XRRA1: variants seen among roughly 807,000 people sequenced by gnomAD.
XRRA1 encodes the protein X-ray radiation resistance associated 1.
A neutral mutation model predicts 80.2 loss-of-function variants in XRRA1; 69 were observed. That is an observed-to-expected ratio of 0.86 (90% CI 0.71 to 1.05). XRRA1 has a LOEUF of 1.05. Ranked by LOEUF, XRRA1 falls within the 50% of genes least tolerant of loss-of-function variation. The pLI is 0.00. For synonymous variants in XRRA1, 348 were observed against 389.9 expected, an observed-to-expected ratio of 0.89 and a Z score of 1.27; for missense variants, 967 against 976.4, an observed-to-expected ratio of 0.99 and a Z score of 0.13.
chr11:74,875,391 G>A (rs774363231), intron 10 of XRRA1, among the ~76,000 whole-genome samples: 46 of 152,128 alleles, frequency 3.0e-4, no homozygotes, highest in Non-Finnish European at 5.4e-4. Flanking sequence ...ATACTTTTCA[G>A]CTCTCAGGAT....
intron 10 of XRRA1, among the ~76,000 whole-genome samples, chr11:74,888,678 T>C (rs914117558): frequency 6.6e-6 from 1 of 152,166 alleles, no homozygotes; most frequent in Non-Finnish European, 1.5e-5. Flanking sequence ...GAAAAAGAAT[T>C]AGACGAATGA....
chr11:74,922,256 C>CAAAAAA (rs398016677), intron 7 of XRRA1, among the ~76,000 whole-genome samples: 1 of 69,676 alleles, frequency 1.4e-5, no homozygotes, highest in Non-Finnish European at 2.5e-5. Flanking sequence ...GACTCTGCCT[C>CAAAAAA]AAAAAAAAAA....
chr11:74,863,683 C>T (rs148125176), intron 10 of XRRA1: 1 of 152,240 alleles, frequency 6.6e-6, no homozygotes, highest in Admixed American at 6.5e-5. Flanking sequence ...AGACATTGCT[C>T]ACCTTTACCC....
Position 74,845,271 on chromosome 11 carries a change from C to T in XRRA1, c.1729G>A (p.Val577Met), listed in dbSNP as rs1487895206. The T allele has an allele frequency of 1.8e-5, 29 of 1,610,302 alleles. No homozygotes were observed. Among genetic ancestry groups the T allele is most frequent in the Non-Finnish European group, 2.2e-5 (26 of 1,177,874 alleles). ...ATGACGGAGGAAGGCAGTTCACTCA[C>T]CTGTGCCCAGGAAGAAAACGCATTC... The part of the protein sequence containing the change: ...KSTESIFLTQ[V>M]SELPSSVIHK... The change falls in exon 16 of 19, where the codon GTG becomes ATG. Residue 577 changes from valine to methionine, a missense_variant and splice_region_variant. By Grantham distance (21) the Val-to-Met change is conservative (BLOSUM62 1). Coordinates refer to ENST00000684022, the MANE Select transcript of XRRA1 (RefSeq NM_001378157.1).
chr11:74,933,655 C>T (rs1411134471), intron 5 of XRRA1, 146 bp downstream of exon 5: 2 of 647,418 alleles, frequency 3.1e-6, no homozygotes, highest in Admixed American at 2.8e-5. Flanking sequence ...CCAATAAATC[C>T]TTGTCTGACT....
At chr11:74,940,658 G>A (rs1302309573) in intron 3 of XRRA1, 127 bp downstream of exon 3, 1 of 748,134 alleles carries the variant, frequency 1.3e-6, no homozygotes, top group East Asian at 2.7e-5. Flanking sequence ...ACTAGGACTG[G>A]AGGGGGAAGG....
intron 4 of XRRA1, 49 bp downstream of exon 4, chr11:74,936,835 C>G (rs774123470): frequency 6.4e-7 from 1 of 1,562,096 alleles, no homozygotes; most frequent in Non-Finnish European, 8.7e-7. Context: ...CCCACTTCCT[C>G]CCCACCCTAG....
Position 74,919,617 on chromosome 11 carries a change from A to T in XRRA1, c.656+1597T>A, listed in dbSNP as rs895785970. The stretch of plus-strand genomic sequence containing the variant: ...TCCTGTGAAGAAGGGTGGCAAGAAG[A>T]AAAAGGGCCGTTCTGCCATCAATGA... On this transcript the variant is annotated intron_variant, in intron 8 of 18. Transcript: ENST00000684022. 9 of 550,604 alleles carry T rather than the reference A, an allele frequency of 1.6e-5. No individual in the cohort carries two copies. The Admixed American group carries it at 1.9e-4, about 11-fold the overall frequency. 34.1% of individuals were successfully genotyped at this position (550,604 alleles called of 1,614,324 possible). A position where few individuals can be genotyped will look rare whatever the true frequency, so the allele number is the denominator to read the frequency against.
In XRRA1 at chr11:74,844,293, G is replaced by T; in HGVS notation, c.1928-10C>A. 1.2e-6 allele frequency: 2 copies of T among 1,609,094 alleles called. No individual in the cohort carries two copies. Among genetic ancestry groups the T allele is most frequent in the South Asian group, 1.1e-5 (1 of 90,834 alleles). On this transcript the variant is annotated splice_polypyrimidine_tract_variant and intron_variant, in intron 16 of 18. Coordinates refer to ENST00000684022, the MANE Select transcript of XRRA1 (RefSeq NM_001378157.1). ...GCATTCTTCTGGATTCCTAGGGCAA[G>T]AAGGCAAGACTGAGTCAAGGCACTT...
chr11:74,874,954 C>T (rs2045722684), intron 10 of XRRA1, among the ~76,000 whole-genome samples: 2 of 152,204 alleles, frequency 1.3e-5, no homozygotes, highest in African/African-American at 4.8e-5. Context: ...TCCCCAGGCA[C>T]AAGCATTCAA....
chr11:74,843,602 A>C, intron 18 of XRRA1, 149 bp from the exon 19 acceptor site: 1 of 1,125,502 alleles, frequency 8.9e-7, no homozygotes, highest in Non-Finnish European at 1.2e-6. Context: ...CCAGCTTGGG[A>C]AGTCACTGAC....
In XRRA1 at chr11:74,927,611, T is replaced by C. The variant is rs796885867; in HGVS notation, c.425-123A>G. ...CAGGCACTGTATAAGGTACTTTACA[T>C]ACATGGCCTCTAAATCTCTAACAAC... On this transcript the variant is annotated intron_variant, in intron 6 of 18. Transcript: ENST00000684022. 3.0e-5 allele frequency: 17 copies of C among 558,958 alleles called. No homozygotes were observed. The South Asian group carries it at 3.3e-4, about 11-fold the overall frequency. The allele number at this position is 558,958 out of a possible 1,614,324, so 34.6% of individuals were successfully genotyped here. A position where few individuals can be genotyped will look rare whatever the true frequency, so the allele number is the denominator to read the frequency against.
At chr11:74,895,665 C>G (rs939124071) in intron 10 of XRRA1, among the ~76,000 whole-genome samples, 3 of 152,152 alleles carry the variant, frequency 2.0e-5, no homozygotes, top group African/African-American at 7.2e-5. Context: ...AAAAGTGTCT[C>G]CTTCCTTCTA....
intron 8 of XRRA1, among the ~76,000 whole-genome samples, chr11:74,911,769 C>T (rs1176569033): frequency 1.3e-5 from 2 of 151,970 alleles, no homozygotes; most frequent in Non-Finnish European, 2.9e-5. Flanking sequence ...AGCAGTATGC[C>T]AAATCTAAAA....
At position 74,863,998 on chromosome 11, in the gene XRRA1, T is replaced by C. The variant is rs77974772; in HGVS notation, c.1004-977A>G. On this transcript the variant is annotated intron_variant, in intron 10 of 18. Coordinates refer to ENST00000684022, the MANE Select transcript of XRRA1 (RefSeq NM_001378157.1). ...CCCCACAATCACAGGAATTACTGCA[T>C]TTTAAGCTTCTGATTGAGGATTGTT... 3 of 152,320 alleles carry C rather than the reference T, an allele frequency of 2.0e-5. No individual in the cohort carries two copies. The East Asian group carries it at 5.8e-4, about 29-fold the overall frequency. 9.4% of individuals were successfully genotyped at this position (152,320 alleles called of 1,614,324 possible).
chr11:74,852,172 C>T, intron 12 of XRRA1, 90 bp from the exon 13 acceptor site: 1 of 1,089,470 alleles, frequency 9.2e-7, no homozygotes, highest in Non-Finnish European at 1.4e-6. Context: ...GGGCTACATG[C>T]TTGCTAGGAT....
intron 2 of XRRA1, among the ~76,000 whole-genome samples, chr11:74,941,253 C>T (rs1349264084): frequency 6.6e-6 from 1 of 151,842 alleles, no homozygotes; most frequent in African/African-American, 2.4e-5. Flanking sequence ...ATAATACCTA[C>T]CTTAAAAGAC....
chr11:74,865,043 CCT>C (rs951729906), intron 10 of XRRA1, among the ~76,000 whole-genome samples: 1 of 151,834 alleles, frequency 6.6e-6, no homozygotes, highest in Non-Finnish European at 1.5e-5. Context: ...AGCTCTGACC[CCT>C]GTCACTACAG....
Position 74,940,829 on chromosome 11 carries a change from T to C in XRRA1, c.50A>G (p.Asn17Ser), listed in dbSNP as rs1432506924. Reference protein sequence around the residue: ...YKLDDGKPYLNNCFPARNLLR... With the variant: ...YKLDDGKPYLSNCFPARNLLR... ...CAGATTTCTGGCTGGGAAGCAGTTG[T>C]TCAGGTAAGGCTTCCCATCATCCAG... is the stretch of plus-strand genomic sequence containing the variant. Residue 17 changes from asparagine to serine, a missense_variant, in exon 3 of 19, where the codon AAC (asparagine) becomes AGC (serine). Coordinates refer to ENST00000684022, the MANE Select transcript of XRRA1 (RefSeq NM_001378157.1). 2.5e-6 allele frequency: 4 copies of C among 1,609,614 alleles called. No individual in the cohort carries two copies. In the Admixed American group the frequency reaches 5.0e-5, roughly 20 times the overall value.
Sources: gnomAD v4.1 joint callset for allele counts (sites outside exome capture counted in the v4.1 genomes callset) on GRCh38, gnomAD v4.1.1 for gene constraint, MANE v1.5 for transcripts, NCBI Gene and HGNC (gene_info 2026-07-23, HGNC 2026-07-21) for gene names.